Variants in SNX30 observed in about 807,000 individuals in gnomAD.
The protein encoded by SNX30 is sorting nexin-30.
In SNX30, 24 loss-of-function variants were observed where a neutral mutation model predicts 46.4. The ratio of observed to expected loss-of-function variants is 0.52; its 90% CI spans 0.37 to 0.73. The LOEUF (loss-of-function observed/expected upper bound fraction) is 0.73, where lower values mean the gene tolerates loss of function less well. SNX30 is among the 30% of genes least tolerant of loss of function. The pLI is 0.00. For missense variants in SNX30, 533 were observed against 555.7 expected (o/e 0.96, Z 0.41); for synonymous variants, 189 against 211.5 (o/e 0.89, Z 0.92).
At chr9:112,782,337 A>G (rs1344457138) in intron 1 of SNX30, among the ~76,000 whole-genome samples, 1 of 152,220 alleles carries the variant, frequency 6.6e-6, no homozygotes, top group Non-Finnish European at 1.5e-5. Context: ...AAGTGCTGGG[A>G]TTATAGGTGT....
intron 1 of SNX30, among the ~76,000 whole-genome samples, chr9:112,769,112 A>T (rs1839602250): frequency 6.6e-6 from 1 of 152,200 alleles, no homozygotes; most frequent in Admixed American, 6.5e-5. Context: ...ACACCTGTGG[A>T]GGCAATTTGG....
At chr9:112,829,037 T>C (rs1840620315) in intron 3 of SNX30, among the ~76,000 whole-genome samples, 1 of 152,214 alleles carries the variant, frequency 6.6e-6, no homozygotes, top group Non-Finnish European at 1.5e-5. Context: ...GCTGTTTTCA[T>C]TTACCATAAT....
chr9:112,770,956 A>G (rs1564263013), intron 1 of SNX30, among the ~76,000 whole-genome samples: 1 of 152,240 alleles, frequency 6.6e-6, no homozygotes, highest in East Asian at 1.9e-4. Flanking sequence ...AGATCGGGCC[A>G]CTGCACTCCA....
rs961203706 is a variant in SNX30 at position 112,751,013 on chromosome 9, G to A, written c.12G>A (p.Gly4=). ...GAGCGGTGCGCGCCATGGCGGGCGG[G>A]CCCCCCAAGGCCCTGCCGTCCACGG... MAG[G]PPKALPSTGP... The change falls in exon 1 of 9, where the codon GGG becomes GGA. Residue 4 remains glycine, a synonymous_variant. Coordinates refer to ENST00000374232, the MANE Select transcript of SNX30 (RefSeq NM_001012994.2). The A allele has an allele frequency of 8.5e-6, 11 of 1,293,208 alleles. No homozygotes were observed. Among genetic ancestry groups the A allele is most frequent in the Admixed American group, 3.9e-5 (1 of 25,870 alleles). 80.1% of individuals were successfully genotyped at this position (1,293,208 alleles called of 1,614,324 possible). A position where few individuals can be genotyped will look rare whatever the true frequency, so the allele number is the denominator to read the frequency against.
chr9:112,754,199 G>A (rs1350219768), intron 1 of SNX30, among the ~76,000 whole-genome samples: 1 of 152,180 alleles, frequency 6.6e-6, no homozygotes, highest in Non-Finnish European at 1.5e-5. Flanking sequence ...GTAGCCTGGT[G>A]TCTTGGTCCA....
chr9:112,817,401 C>CTGTTTTTTTTTTTTTT (rs1840414391), intron 2 of SNX30, among the ~76,000 whole-genome samples: 1 of 46,832 alleles, frequency 2.1e-5, no homozygotes, highest in Non-Finnish European at 3.4e-5. Flanking sequence ...AAAAAACTGG[C>CTGTTTTTTTTTTTTTT]TTTTTTTTTT....
At chr9:112,817,579 T>C (rs1046882363) in intron 2 of SNX30, 126 bp from the exon 3 acceptor site, 1 of 629,464 alleles carries the variant, frequency 1.6e-6, no homozygotes, top group African/African-American at 1.8e-5. Flanking sequence ...GCCATTTGGC[T>C]GTTGTGTTTG....
At position 112,772,096 on chromosome 9, in the gene SNX30, G is replaced by T. The variant is rs184652314; in HGVS notation, c.156+20939G>T. ...GAGGACTTTCCTTGCCTAGAACATTGCCAGTCTCCGTGAAAGAGGAAGAGG... is the reference window on the plus strand; with the variant it reads ...GAGGACTTTCCTTGCCTAGAACATTTCCAGTCTCCGTGAAAGAGGAAGAGG... On this transcript the variant is annotated intron_variant, in intron 1 of 8. Coordinates refer to ENST00000374232, the MANE Select transcript of SNX30 (RefSeq NM_001012994.2). Among the ~76,000 whole-genome samples the T allele has an allele frequency of 6.7e-3, 1,023 of 152,238 alleles. 9 individuals are homozygous for T. The highest frequency in any genetic ancestry group is 0.01 in the Non-Finnish European group (707 of 68,008).
chr9:112,811,189 C>CT (rs1840313288), intron 2 of SNX30, among the ~76,000 whole-genome samples: 1 of 152,190 alleles, frequency 6.6e-6, no homozygotes. Flanking sequence ...GAAGCCTCTA[C>CT]TTGTCATTCT....
chr9:112,773,215 C>T (rs1245368734), intron 1 of SNX30, among the ~76,000 whole-genome samples: 5 of 152,114 alleles, frequency 3.3e-5, no homozygotes. Context: ...AATCACTTAC[C>T]TCCTCTGAAC....
chr9:112,854,589 A>G (rs542186681), intron 7 of SNX30, among the ~76,000 whole-genome samples: 1 of 152,286 alleles, frequency 6.6e-6, no homozygotes, highest in African/African-American at 2.4e-5. Flanking sequence ...TTCTTTAGCA[A>G]TTGTGATTTT....
chr9:112,750,632 C>T (rs866918022), upstream of SNX30, among the ~76,000 whole-genome samples: 2 of 151,810 alleles, frequency 1.3e-5, no homozygotes, highest in South Asian at 2.1e-4. Flanking sequence ...CGCCTCCTCC[C>T]TCCCTCCCTC....
chr9:112,885,361 T>G (rs1056530986), downstream of SNX30: 1 of 152,048 alleles, frequency 6.6e-6, no homozygotes, highest in Non-Finnish European at 1.5e-5. Context: ...CATGTGCTAC[T>G]AGGCAGGTCC....
At chr9:112,812,781 A>G (rs1292373816) in intron 2 of SNX30, among the ~76,000 whole-genome samples, 1 of 152,174 alleles carries the variant, frequency 6.6e-6, no homozygotes, top group Non-Finnish European at 1.5e-5. Flanking sequence ...TTTCTTCTAA[A>G]TTTTTTAATA....
chr9:112,825,292 T>A (rs1473119979), intron 3 of SNX30, among the ~76,000 whole-genome samples: 1 of 152,132 alleles, frequency 6.6e-6, no homozygotes, highest in African/African-American at 2.4e-5. Context: ...AAGAAGTAGA[T>A]CCCAAATGAC....
chr9:112,855,479 T>C (rs562309946), intron 7 of SNX30, among the ~76,000 whole-genome samples: 3 of 152,246 alleles, frequency 2.0e-5, no homozygotes, highest in Non-Finnish European at 4.4e-5. Context: ...TGTGGAGTCA[T>C]GGAGTGGCAT....
intron 1 of SNX30, among the ~76,000 whole-genome samples, chr9:112,794,341 T>TG (rs1385843056): frequency 6.6e-6 from 1 of 152,042 alleles, no homozygotes; most frequent in East Asian, 1.9e-4. Flanking sequence ...TTAGTAGAGA[T>TG]GGGGTTTTAC....
At chr9:112,786,066 A>G (rs1420583028) in intron 1 of SNX30, among the ~76,000 whole-genome samples, 1 of 151,678 alleles carries the variant, frequency 6.6e-6, no homozygotes, top group Non-Finnish European at 1.5e-5. Context: ...AAGCCTCTCC[A>G]TACAGATGGA....
chr9:112,778,289 T>TC (rs1839781502), intron 1 of SNX30, among the ~76,000 whole-genome samples: 1 of 150,512 alleles, frequency 6.6e-6, no homozygotes, highest in Non-Finnish European at 1.5e-5. Context: ...TTTTTTTTTT[T>TC]TGAGATGGAG....
Sources: gnomAD v4.1 joint callset for allele counts (sites outside exome capture counted in the v4.1 genomes callset) on GRCh38, gnomAD v4.1.1 for gene constraint, MANE v1.5 for transcripts, NCBI Gene and HGNC (gene_info 2026-07-23, HGNC 2026-07-21) for gene names.